Variants in FAM178B observed in about 807,000 individuals in gnomAD.
FAM178B encodes family with sequence similarity 178 member B.
Under a neutral mutation model 91.7 loss-of-function variants are expected in FAM178B, and 82 were observed. The ratio of observed to expected loss-of-function variants is 0.89; its 90% CI spans 0.75 to 1.07. The LOEUF is 1.07. Among genes scored for constraint, FAM178B ranks in the 50% least tolerant of loss-of-function variants. The pLI, the probability that FAM178B is intolerant of heterozygous loss-of-function variation, is 0.00. For synonymous variants in FAM178B, 368 were observed against 359.4 expected (o/e 1.02, Z -0.27); for missense variants, 769 against 846.7 (o/e 0.91, Z 1.14).
intron 6 of FAM178B, among the ~76,000 whole-genome samples, chr2:96,957,000 AG>A (rs959492494): frequency 1.3e-5 from 2 of 151,116 alleles, no homozygotes; most frequent in African/African-American, 4.9e-5. Flanking sequence ...CTGGGACCAC[AG>A]GTGTGCTATC....
In FAM178B at chr2:96,917,367, G is replaced by A. The variant is rs115946552; in HGVS notation, c.1562+3798C>T. Among the ~76,000 whole-genome samples, 1,425 of 152,312 alleles carry A rather than the reference G, an allele frequency of 9.4e-3. 32 individuals carry two copies. Among genetic ancestry groups the A allele is most frequent in the African/African-American group, 0.033 (1,367 of 41,564 alleles). ...TGACGTGGCTGCCTGAAAGGCAGGC[G>A]CAAGATGCTCTGTTTCATTCATTTC... On this transcript the variant is annotated intron_variant, in intron 12 of 16. Transcript: ENST00000490605.
rs778728671 is a variant in FAM178B at position 96,877,978 on chromosome 2, G to A, written c.1919C>T (p.Pro640Leu). 6.2e-7 allele frequency: 1 copy of A among 1,613,608 alleles called. No homozygotes were observed. The highest frequency in any genetic ancestry group is 8.5e-7 in the Non-Finnish European group (1 of 1,180,026). Residue 640 changes from proline (P) to leucine (L), a missense_variant, in exon 16 of 17, where the codon CCC becomes CTC. Transcript: ENST00000490605. ...RHISTQIRES[P>L]QAMHRTMLKD... ...GAGCATGGTGCGGTGCATGGCCTGG[G>A]GGCTCTCCCGGATCTGCGTGCTGAT...
At chr2:96,886,756 G>A (rs987884853) in intron 14 of FAM178B, among the ~76,000 whole-genome samples, 2 of 152,186 alleles carry the variant, frequency 1.3e-5, no homozygotes, top group East Asian at 1.9e-4. Flanking sequence ...TGAGGATGGC[G>A]TGTAAGGGAC....
chr2:96,913,127 G>A (rs910409437), intron 12 of FAM178B, among the ~76,000 whole-genome samples: 2 of 152,242 alleles, frequency 1.3e-5, no homozygotes, highest in Non-Finnish European at 2.9e-5. Context: ...GGTTTTGGGA[G>A]AGGCAGGACT....
intron 1 of FAM178B, among the ~76,000 whole-genome samples, chr2:96,981,363 A>G (rs1259820442): frequency 6.6e-6 from 1 of 152,224 alleles, no homozygotes; most frequent in Non-Finnish European, 1.5e-5. Context: ...CTCAATCATC[A>G]TGCTTATGAA....
At chr2:96,921,789 C>A in intron 10 of FAM178B, 135 bp from the exon 11 acceptor site, 1 of 877,974 alleles carries the variant, frequency 1.1e-6, no homozygotes, top group Non-Finnish European at 1.8e-6. Context: ...GGTAGGAGCT[C>A]AGGAAACAGT....
chr2:96,917,132 G>A (rs1049659327), intron 12 of FAM178B, among the ~76,000 whole-genome samples: 1 of 152,152 alleles, frequency 6.6e-6, no homozygotes, highest in Non-Finnish European at 1.5e-5. Context: ...AGAGGCTGGC[G>A]GCCAGCCAGG....
intron 7 of FAM178B, among the ~76,000 whole-genome samples, chr2:96,951,123 G>A (rs977957268): frequency 2.0e-5 from 3 of 152,164 alleles, no homozygotes; most frequent in Non-Finnish European, 4.4e-5. Context: ...CACACCTTCG[G>A]GGGAAGCAGA....
chr2:96,889,724 A>ATAAATAC (rs1461044753), intron 14 of FAM178B, among the ~76,000 whole-genome samples: 1 of 86,956 alleles, frequency 1.2e-5, no homozygotes, highest in South Asian at 1.6e-3. Context: ...AAATAAATAC[A>ATAAATAC]AAAAAAAATA....
At chr2:96,876,654 G>A (rs2153366802) in intron 16 of FAM178B, among the ~76,000 whole-genome samples, 1 of 152,258 alleles carries the variant, frequency 6.6e-6, no homozygotes, top group African/African-American at 2.4e-5. Flanking sequence ...CGAAATCTGA[G>A]ACCCAAACCA....
intron 3 of FAM178B, 44 bp downstream of exon 3, chr2:96,971,857 A>G: frequency 6.9e-7 from 1 of 1,442,446 alleles, no homozygotes; most frequent in Non-Finnish European, 9.1e-7. Context: ...GTGGCTAAAG[A>G]TGGGTAGCCA....
At position 96,968,108 on chromosome 2, in the gene FAM178B, G is replaced by A. The variant is rs546407065; in HGVS notation, c.627-481C>T. Among the ~76,000 whole-genome samples the A allele has an allele frequency of 1.5e-3, 232 of 151,578 alleles. 1 individual carries two copies. Among genetic ancestry groups the A allele is most frequent in the Admixed American group, 2.4e-3 (36 of 15,244 alleles). On this transcript the variant is annotated intron_variant, in intron 4 of 16. Transcript: ENST00000490605. ...CGTTCTTTTTTTTTAAACACACCAA[G>A]GCCTAGGGCTAGCCCTTCTGCTCCT...
intron 16 of FAM178B, 123 bp downstream of exon 16, chr2:96,877,767 T>C: frequency 1.0e-6 from 1 of 980,182 alleles, no homozygotes; most frequent in Non-Finnish European, 1.5e-6. Context: ...ACATGCCCAC[T>C]CCACCCATAT....
chr2:96,975,622 T>C (rs563575520), intron 1 of FAM178B, among the ~76,000 whole-genome samples: 109 of 152,352 alleles, frequency 7.2e-4, no homozygotes, highest in Middle Eastern at 3.4e-3. Flanking sequence ...TTGTAAACTA[T>C]AGTCACCCTA....
intron 6 of FAM178B, among the ~76,000 whole-genome samples, chr2:96,956,267 G>A (rs975998443): frequency 6.6e-6 from 1 of 152,244 alleles, no homozygotes; most frequent in Non-Finnish European, 1.5e-5. Context: ...GCTGTTATCA[G>A]CTTCCGTCAT....
chr2:96,877,490 C>A (rs1045665833), intron 16 of FAM178B, among the ~76,000 whole-genome samples: 4 of 152,052 alleles, frequency 2.6e-5, no homozygotes, highest in Non-Finnish European at 5.9e-5. Flanking sequence ...GCAACCTCCG[C>A]CTCCTGGGTT....
At chr2:96,890,084 T>C (rs2080634825) in intron 14 of FAM178B, among the ~76,000 whole-genome samples, 1 of 152,068 alleles carries the variant, frequency 6.6e-6, no homozygotes, top group Admixed American at 6.6e-5. Context: ...GAGACCAGCC[T>C]GGCCAACATG....
chr2:96,894,998 C>T, intron 13 of FAM178B: 3 of 1,259,876 alleles, frequency 2.4e-6, no homozygotes, highest in Non-Finnish European at 3.1e-6. Context: ...TTTAACTCTT[C>T]TCTGTGGAGG....
intron 13 of FAM178B, among the ~76,000 whole-genome samples, chr2:96,899,851 CTTTTTTTTTT>C (rs78433909): frequency 0.028 from 3,160 of 113,522 alleles, 134 homozygotes; most frequent in African/African-American, 0.098. Flanking sequence ...ATTCCCCACT[CTTTTTTTTTT>C]TTTTTTTTTT....
Sources: gnomAD v4.1 joint callset for allele counts (sites outside exome capture counted in the v4.1 genomes callset) on GRCh38, gnomAD v4.1.1 for gene constraint, MANE v1.5 for transcripts, NCBI Gene and HGNC (gene_info 2026-07-23, HGNC 2026-07-21) for gene names.